STAG3: variants seen among roughly 807,000 people sequenced by gnomAD.
STAG3 encodes STAG3 cohesin complex component.
A neutral mutation model predicts 160.7 loss-of-function variants in STAG3; 101 were observed. That is an observed-to-expected ratio of 0.63 (90% CI 0.54 to 0.74). The LOEUF is 0.74. Among genes scored for constraint, STAG3 ranks in the 30% least tolerant of loss-of-function variants. STAG3 has a pLI of 0.00. For synonymous variants in STAG3, 519 were observed against 585.0 expected, an observed-to-expected ratio of 0.89 and a Z score of 1.63; for missense variants, 1,188 against 1,517.4, an observed-to-expected ratio of 0.78 and a Z score of 3.61.
At chr7:100,198,046 T>A in intron 11 of STAG3, 41 bp from the exon 12 acceptor site, 2 of 1,599,854 alleles carry the variant, frequency 1.3e-6, no homozygotes, top group East Asian at 4.5e-5. Flanking sequence ...ATGTTTGGAA[T>A]GGGTGTAATG....
intron 29 of STAG3, among the ~76,000 whole-genome samples, chr7:100,209,143 G>A (rs1410478128): frequency 6.6e-6 from 1 of 152,154 alleles, no homozygotes; most frequent in African/African-American, 2.4e-5. Context: ...CTTGTTAGAG[G>A]TTAGTCGGTA....
chr7:100,194,205 A>C (rs1328269061), intron 8 of STAG3, among the ~76,000 whole-genome samples: 1 of 152,134 alleles, frequency 6.6e-6, no homozygotes, highest in African/African-American at 2.4e-5. Flanking sequence ...TGGCCACCCA[A>C]AGTGCTGGGA....
intron 29 of STAG3, among the ~76,000 whole-genome samples, chr7:100,210,692 G>T (rs185996022): frequency 2.0e-3 from 308 of 152,190 alleles, no homozygotes; most frequent in Non-Finnish European, 3.8e-3. Context: ...CCTCATGTTT[G>T]TGTTCACCTG....
At chr7:100,200,742 A>G in intron 18 of STAG3, 27 bp from the exon 19 acceptor site, 1 of 1,612,248 alleles carries the variant, frequency 6.2e-7, no homozygotes, top group Non-Finnish European at 8.5e-7. Flanking sequence ...TCCCCACAGC[A>G]CACCATCTTC....
chr7:100,189,298 C>T, intron 7 of STAG3, 147 bp from the exon 8 acceptor site: 2 of 935,986 alleles, frequency 2.1e-6, no homozygotes, highest in Non-Finnish European at 3.2e-6. Context: ...CAGTCCACTC[C>T]AGGACAGGCC....
chr7:100,210,733 A>G (rs1167191154), intron 29 of STAG3, among the ~76,000 whole-genome samples: 24 of 152,194 alleles, frequency 1.6e-4, no homozygotes. Context: ...TGTGAAATGT[A>G]TATTTATATA....
chr7:100,195,251 A>G, intron 8 of STAG3, 58 bp from the exon 9 acceptor site: 1 of 1,484,058 alleles, frequency 6.7e-7, no homozygotes, highest in Non-Finnish European at 9.4e-7. Flanking sequence ...CTGTATCTTC[A>G]GGGCCTTATG....
intron 12 of STAG3, 78 bp downstream of exon 12, chr7:100,198,244 T>C (rs549094703): frequency 5.4e-5 from 77 of 1,413,514 alleles, no homozygotes; most frequent in Non-Finnish European, 7.4e-5. Flanking sequence ...CTGTCATAGC[T>C]GACTCTTCCA....
intron 8 of STAG3, among the ~76,000 whole-genome samples, chr7:100,195,091 G>A (rs1800596931): frequency 6.6e-6 from 1 of 152,114 alleles, no homozygotes; most frequent in South Asian, 2.1e-4. Context: ...ACATGCAGAG[G>A]GGTTATTATT....
At chr7:100,191,963 T>A (rs1468675713) in intron 8 of STAG3, among the ~76,000 whole-genome samples, 1 of 152,210 alleles carries the variant, frequency 6.6e-6, no homozygotes, top group Non-Finnish European at 1.5e-5. Flanking sequence ...CAGGAATAGA[T>A]TCCATTTCAG....
Position 100,200,712 on chromosome 7 carries a change from A to G in STAG3, c.1861-57A>G, listed in dbSNP as rs372014683. 2.6e-5 allele frequency: 42 copies of G among 1,592,936 alleles called. No homozygotes were observed. The African/African-American group carries it at 4.7e-4, about 18-fold the overall frequency. On this transcript the variant is annotated intron_variant, in intron 18 of 33. Transcript: ENST00000615138. ...TTTTAACCCCGTTCCACTTCCCGCCAGAAGAGTGTCCTCCTCCCATCCCCA... is the reference window on the plus strand; with the variant it reads ...TTTTAACCCCGTTCCACTTCCCGCCGGAAGAGTGTCCTCCTCCCATCCCCA...
chr7:100,216,813 CCTT>C (rs1802791912), downstream of STAG3, among the ~76,000 whole-genome samples: 1 of 151,988 alleles, frequency 6.6e-6, no homozygotes, highest in Admixed American at 6.6e-5. Context: ...CTTTTAATGA[CCTT>C]CATAACTGCC....
rs550899218 is a variant in STAG3, at chr7:100,207,325, C to T, written c.3238+1941C>T. Among the ~76,000 whole-genome samples, 2 of 152,350 alleles carry T rather than the reference C, an allele frequency of 1.3e-5. No homozygotes were observed. The highest frequency in any genetic ancestry group is 4.8e-5 in the African/African-American group (2 of 41,578). On this transcript the variant is annotated intron_variant, in intron 29 of 33. Coordinates refer to ENST00000615138, the MANE Select transcript of STAG3 (RefSeq NM_001282717.2). The surrounding 1 kb of genome is among the most constrained non-coding windows in gnomAD (Gnocchi z 4.0). Reference sequence around the variant, plus strand: ...TTTCCAAAGTACCTACACCAGTTTACAATCCTACCAGCAATGTATGGGGAC... The same window carrying T: ...TTTCCAAAGTACCTACACCAGTTTATAATCCTACCAGCAATGTATGGGGAC...
chr7:100,207,874 T>C lies in STAG3; in HGVS notation c.3238+2490T>C, dbSNP rs910001189. Among the ~76,000 whole-genome samples, 2 of 152,172 alleles carry C rather than the reference T, an allele frequency of 1.3e-5. No homozygotes were observed. The highest frequency in any genetic ancestry group is 2.9e-5 in the Non-Finnish European group (2 of 68,038). On this transcript the variant is annotated intron_variant, in intron 29 of 33. Coordinates refer to ENST00000615138, the MANE Select transcript of STAG3 (RefSeq NM_001282717.2). This position sits in a 1 kb window ranked among gnomAD's most constrained non-coding sequence, Gnocchi z 4.0. ...GCTCACGCCTGTAATCCCAGCACTT[T>C]GGGAGGCCGAGGCGGGCGGATCACG... is the stretch of plus-strand genomic sequence containing the variant.
chr7:100,180,693 G>A, intron 2 of STAG3, 21 bp downstream of exon 2: 7 of 1,426,596 alleles, frequency 4.9e-6, no homozygotes, highest in South Asian at 1.1e-5. Context: ...GTTGCATTGT[G>A]TGGCCACTTC....
intron 26 of STAG3, among the ~76,000 whole-genome samples, chr7:100,204,392 C>T (rs567410625): frequency 4.7e-4 from 72 of 152,266 alleles, no homozygotes; most frequent in Middle Eastern, 3.4e-3. Flanking sequence ...TCAGTCTGTT[C>T]TCTCTCAGCC....
downstream of STAG3, among the ~76,000 whole-genome samples, chr7:100,217,160 C>G (rs7798260): frequency 3.9e-5 from 6 of 152,242 alleles, no homozygotes; most frequent in Non-Finnish European, 8.8e-5. Context: ...GCGATACTGT[C>G]TTTTTGTCTT....
chr7:100,210,795 C>G (rs1266177728), intron 29 of STAG3, among the ~76,000 whole-genome samples: 1 of 152,188 alleles, frequency 6.6e-6, no homozygotes, highest in Non-Finnish European at 1.5e-5. Flanking sequence ...TGGACAAGGC[C>G]TAGCTACAAT....
Position 100,211,154 on chromosome 7 carries a change from G to T in STAG3, c.3382G>T (p.Glu1128Ter). ...GTGGGGGTTGAAAGAGATGGAGGAAGAAGATGGCTCAGAGTTGGATTTTGC... is the reference window on the plus strand; with the variant it reads ...GTGGGGGTTGAAAGAGATGGAGGAATAAGATGGCTCAGAGTTGGATTTTGC... ...PLWGLKEMEE[E>*]DGSELDFAQG... Residue 1128 changes from glutamate to a stop codon, truncating the protein, a stop_gained, in exon 30 of 34, where the codon GAA becomes TAA. Coordinates refer to ENST00000615138, the MANE Select transcript of STAG3 (RefSeq NM_001282717.2). LOFTEE classifies it high-confidence loss of function. The T allele has an allele frequency of 6.3e-7, 1 of 1,577,244 alleles. No homozygotes were observed. The highest frequency in any genetic ancestry group is 1.1e-5 in the South Asian group (1 of 88,342).
Sources: gnomAD v4.1 joint callset for allele counts (sites outside exome capture counted in the v4.1 genomes callset) on GRCh38, gnomAD v4.1.1 for gene constraint, Gnocchi (gnomAD v3.1) non-coding constraint, MANE v1.5 for transcripts, NCBI Gene and HGNC (gene_info 2026-07-23, HGNC 2026-07-21) for gene names.